The following NRG3 variants were observed in gnomAD, a reference collection of about 807,000 sequenced individuals.
The protein encoded by NRG3 is pro-neuregulin-3, membrane-bound isoform.
In NRG3, 31 loss-of-function variants were observed where a neutral mutation model predicts 66.9. That is an observed-to-expected ratio of 0.46 (90% CI 0.35 to 0.63). NRG3 has a LOEUF of 0.63. NRG3 is among the 20% of genes least tolerant of loss of function. The pLI is 0.00. For missense variants in NRG3, 910 were observed against 878.9 expected (o/e 1.04, Z -0.45); for synonymous variants, 393 against 359.4 (o/e 1.09, Z -1.06).
chr10:81,923,533 A>C (rs1846470843), intron 1 of NRG3, among the ~76,000 whole-genome samples: 1 of 152,134 alleles, frequency 6.6e-6, no homozygotes. Flanking sequence ...GGGGTAGGCA[A>C]CAAAGCCTTC....
At chr10:82,600,893 A>G (rs1237091217) in intron 2 of NRG3, among the ~76,000 whole-genome samples, 6 of 152,132 alleles carry the variant, frequency 3.9e-5, no homozygotes, top group Non-Finnish European at 8.8e-5. Context: ...CATCACCAAT[A>G]TAGTGAACAT....
intron 1 of NRG3, among the ~76,000 whole-genome samples, chr10:81,932,800 C>A (rs951152576): frequency 3.9e-5 from 6 of 152,070 alleles, no homozygotes; most frequent in African/African-American, 1.4e-4. Context: ...TCTTTCTGAT[C>A]TTTTTGTTCA....
intron 2 of NRG3, among the ~76,000 whole-genome samples, chr10:82,512,943 C>T (rs1390906770): frequency 2.6e-5 from 4 of 151,930 alleles, no homozygotes; most frequent in Non-Finnish European, 5.9e-5. Flanking sequence ...ATGGGTATGC[C>T]ACATATTTTT....
intron 2 of NRG3, among the ~76,000 whole-genome samples, chr10:82,481,911 C>T (rs538448525): frequency 9.9e-5 from 15 of 152,118 alleles, no homozygotes; most frequent in Admixed American, 2.0e-4. Flanking sequence ...TGTTTGAACC[C>T]GGGAGGCAGA....
chr10:82,322,031 AT>A (rs2081605768), intron 1 of NRG3, among the ~76,000 whole-genome samples: 1 of 152,178 alleles, frequency 6.6e-6, no homozygotes, highest in Non-Finnish European at 1.5e-5. Flanking sequence ...AAAGAACTCC[AT>A]TATCTTATGA....
chr10:82,940,107 G>A (rs890207839), intron 4 of NRG3, among the ~76,000 whole-genome samples: 2 of 152,116 alleles, frequency 1.3e-5, no homozygotes, highest in African/African-American at 4.8e-5. Context: ...TTATGGAAAA[G>A]GTGCAAAAGG....
At chr10:82,875,997 G>T (rs554955337) in intron 4 of NRG3, among the ~76,000 whole-genome samples, 3 of 152,166 alleles carry the variant, frequency 2.0e-5, no homozygotes, top group Non-Finnish European at 2.9e-5. Context: ...ACCAAAAGAT[G>T]TATTGAAGAA....
At chr10:82,935,726 C>T (rs575761018) in intron 4 of NRG3, among the ~76,000 whole-genome samples, 4 of 152,136 alleles carry the variant, frequency 2.6e-5, no homozygotes, top group South Asian at 2.1e-4. Flanking sequence ...TGGGTTCAAG[C>T]GATTCTCCTG....
chr10:82,701,151 T>A (rs1329836702), intron 2 of NRG3, among the ~76,000 whole-genome samples: 1 of 152,090 alleles, frequency 6.6e-6, no homozygotes, highest in East Asian at 1.9e-4. Flanking sequence ...TAATAAACAT[T>A]TATTAACCAC....
intron 1 of NRG3, among the ~76,000 whole-genome samples, chr10:81,997,175 A>G (rs751272223): frequency 2.6e-5 from 4 of 152,142 alleles, no homozygotes; most frequent in Non-Finnish European, 4.4e-5. Context: ...TGCAGTGCAC[A>G]TGGAAGCTCT....
intron 1 of NRG3, among the ~76,000 whole-genome samples, chr10:82,346,809 A>G (rs1027938789): frequency 8.6e-5 from 13 of 152,010 alleles, no homozygotes; most frequent in African/African-American, 2.7e-4. Flanking sequence ...TGTATGTGTC[A>G]AGGAATTTAT....
chr10:81,996,100 T>C lies in NRG3; in HGVS notation c.823+119937T>C, dbSNP rs565740560. Among the ~76,000 whole-genome samples the C allele has an allele frequency of 3.7e-4, 57 of 152,348 alleles. 2 individuals are homozygous for C. The South Asian group carries it at 0.011, about 30-fold the overall frequency. The stretch of plus-strand genomic sequence containing the variant: ...AAAAAGAGGACATCTGTCTGAGTAT[T>C]AACATGATGGAAATTTTTAAAAATA... On this transcript the variant is annotated intron_variant, in intron 1 of 8. Coordinates refer to ENST00000372141, the MANE Select transcript of NRG3 (RefSeq NM_001010848.4).
intron 1 of NRG3, among the ~76,000 whole-genome samples, chr10:82,223,578 C>G (rs960421995): frequency 2.6e-5 from 4 of 151,390 alleles, no homozygotes; most frequent in Non-Finnish European, 4.4e-5. Flanking sequence ...AAATATACTA[C>G]TAGGGTTTTT....
intron 2 of NRG3, among the ~76,000 whole-genome samples, chr10:82,617,161 C>T (rs1048323995): frequency 3.3e-5 from 5 of 151,696 alleles, no homozygotes; most frequent in Admixed American, 2.0e-4. Context: ...CTCACACACA[C>T]ACCACACAGA....
chr10:82,933,134 C>T (rs1274075877), intron 4 of NRG3, among the ~76,000 whole-genome samples: 1 of 152,208 alleles, frequency 6.6e-6, no homozygotes, highest in Non-Finnish European at 1.5e-5. Flanking sequence ...TAGGAGCCTT[C>T]ACAACCCTGT....
intron 1 of NRG3, among the ~76,000 whole-genome samples, chr10:82,001,858 G>C (rs933340138): frequency 2.0e-5 from 3 of 152,170 alleles, no homozygotes; most frequent in African/African-American, 7.2e-5. Flanking sequence ...CAGGGTAGAT[G>C]TATGTTTGGG....
intron 3 of NRG3, among the ~76,000 whole-genome samples, chr10:82,770,771 T>C (rs1346343415): frequency 7.2e-5 from 11 of 152,106 alleles, no homozygotes; most frequent in Admixed American, 7.2e-4. Flanking sequence ...GGAAACTCAT[T>C]GTCCTCCTTG....
At chr10:82,861,375 A>C (rs2064119339) in intron 3 of NRG3, among the ~76,000 whole-genome samples, 1 of 152,198 alleles carries the variant, frequency 6.6e-6, no homozygotes, top group South Asian at 2.1e-4. Context: ...ATAATTGGAT[A>C]ACTTTTCTGT....
At chr10:82,729,646 A>G (rs2057790479) in intron 2 of NRG3, among the ~76,000 whole-genome samples, 1 of 152,190 alleles carries the variant, frequency 6.6e-6, no homozygotes, top group South Asian at 2.1e-4. Flanking sequence ...AAATCTCTAT[A>G]AAGACCAAAT....
Sources: allele counts gnomAD v4.1 joint callset (sites outside exome capture counted in the v4.1 genomes callset), GRCh38; gene constraint gnomAD v4.1.1; transcripts MANE v1.5; gene names NCBI Gene and HGNC (gene_info 2026-07-23, HGNC 2026-07-21).